Variants in ALOX12 observed in about 807,000 individuals in gnomAD.
The protein encoded by ALOX12 is polyunsaturated fatty acid lipoxygenase ALOX12.
A neutral mutation model predicts 85.5 loss-of-function variants in ALOX12; 62 were observed. The ratio of observed to expected loss-of-function variants is 0.73; its 90% CI spans 0.59 to 0.90. ALOX12 has a LOEUF of 0.90. Among genes scored for constraint, ALOX12 ranks in the 40% least tolerant of loss-of-function variants. The probability of loss-of-function intolerance (pLI) is 0.00; values close to 1 mark genes in which losing one functional copy is unlikely to be tolerated. For missense variants in ALOX12, 751 were observed against 856.5 expected (o/e 0.88, Z 1.54); for synonymous variants, 299 against 332.7 (o/e 0.90, Z 1.10).
intron 8 of ALOX12, among the ~76,000 whole-genome samples, chr17:7,004,151 TAAATTTAAATTTA>T (rs988730902): frequency 2.6e-5 from 3 of 115,756 alleles, no homozygotes; most frequent in Admixed American, 1.2e-4. Context: ...AAAATTTAAA[TAAATTTAAATTTA>T]AAATTTAAAT....
rs956097220 is a variant in ALOX12, at chr17:7,010,633, G to A, written c.*210G>A. On this transcript the variant is annotated 3_prime_UTR_variant, in exon 14 of 14. Transcript: ENST00000251535. ...TTTTTTACGCTTTGCAGACCGCATA[G>A]TCACTGTCTCAACTACTCAGCTCTC... is the stretch of plus-strand genomic sequence containing the variant. 6 of 549,038 alleles carry A rather than the reference G, an allele frequency of 1.1e-5. No individual in the cohort carries two copies. The highest frequency in any genetic ancestry group is 5.7e-5 in the African/African-American group (3 of 52,846). 34.0% of individuals were successfully genotyped at this position (549,038 alleles called of 1,614,324 possible). A position where few individuals can be genotyped will look rare whatever the true frequency, so the allele number is the denominator to read the frequency against.
In ALOX12 at chr17:7,001,615, A is replaced by G. The variant is rs434473; in HGVS notation, c.965A>G (p.Asn322Ser). The change falls in exon 8 of 14, where the codon AAC (asparagine) becomes AGC (serine). Residue 322 changes from asparagine (N) to serine (S), a missense_variant. Physicochemically the swap from Asn to Ser is conservative, Grantham distance 46 (BLOSUM62 1). Coordinates refer to ENST00000251535, the MANE Select transcript of ALOX12 (RefSeq NM_000697.3). ...TCTTTCTCCCAGATTCAGCCTCCCA[A>G]CCCCAGCTCTCCAACCCCAACACTG... ...QPMVIQIQPPNPSSPTPTLFL... is the reference protein window; with the variant it reads ...QPMVIQIQPPSPSSPTPTLFL... 653,156 of 1,612,400 alleles carry G rather than the reference A, an allele frequency of 0.41. 136,170 individuals carry two copies. The highest frequency in any genetic ancestry group is 0.45 in the South Asian group (40,683 of 91,034).
chr17:7,006,057 G>GTT, intron 10 of ALOX12, 30 bp downstream of exon 10: 2 of 202,898 alleles, frequency 9.9e-6, no homozygotes, highest in Non-Finnish European at 2.2e-5. Flanking sequence ...GAAATGGTGG[G>GTT]GCCGGGGGGG....
At chr17:6,998,923 T>C (rs1175041557) in intron 4 of ALOX12, 30 bp from the exon 5 acceptor site, 1 of 1,613,956 alleles carries the variant, frequency 6.2e-7, no homozygotes, top group Non-Finnish European at 8.5e-7. Flanking sequence ...AGGGATCAGC[T>C]GATGAGTTAA....
In ALOX12 at chr17:7,005,846, C is replaced by T; in HGVS notation, c.1249-12C>T. On this transcript the variant is annotated splice_polypyrimidine_tract_variant and intron_variant, in intron 9 of 13. Transcript: ENST00000251535. The stretch of plus-strand genomic sequence containing the variant: ...TGTTTCCCCCTCTAAGACCTGTGAT[C>T]TCCTGTCCCAGGCAGTGAGCACAGG... 6.2e-7 allele frequency: 1 copy of T among 1,609,638 alleles called. No homozygotes were observed. Among genetic ancestry groups the T allele is most frequent in the Non-Finnish European group, 8.5e-7 (1 of 1,179,010 alleles).
At position 7,005,901 on chromosome 17, in the gene ALOX12, G is replaced by A. The variant is rs772988081; in HGVS notation, c.1292G>A (p.Arg431Gln). The A allele has an allele frequency of 9.3e-6, 15 of 1,613,288 alleles. No individual in the cohort carries two copies. Among genetic ancestry groups the A allele is most frequent in the Middle Eastern group, 1.6e-4 (1 of 6,084 alleles). The change falls in exon 10 of 14, where the codon CGG becomes CAG. Residue 431 changes from arginine to glutamine, a missense_variant. Transcript: ENST00000251535. ...GGGGHVQLLR[R>Q]AAAQLTYCSL... is the part of the protein sequence containing the mutation. ...GGGGGCCATGTACAGTTGCTCCGTC[G>A]GGCGGCAGCTCAGCTGACCTACTGC...
chr17:6,996,757 G>T, intron 1 of ALOX12, 69 bp from the exon 2 acceptor site: 1 of 1,518,484 alleles, frequency 6.6e-7, no homozygotes, highest in East Asian at 2.3e-5. Context: ...ACAGGAGCGC[G>T]GCTCTGTCCT....
At chr17:7,001,156 G>A in intron 7 of ALOX12, 1 of 169,478 alleles carries the variant, frequency 5.9e-6, no homozygotes, top group Non-Finnish European at 1.3e-5. Context: ...TCGCCATATT[G>A]CCCAGGCTGG....
intron 2 of ALOX12, among the ~76,000 whole-genome samples, chr17:6,997,733 AT>A (rs11571331): frequency 2.0e-5 from 3 of 150,934 alleles, no homozygotes; most frequent in Admixed American, 6.6e-5. Flanking sequence ...AATTTTTTAT[AT>A]TTTTTTTAGT....
At chr17:7,001,852 A>G (rs768865817) in intron 8 of ALOX12, 41 bp downstream of exon 8, 2 of 1,562,396 alleles carry the variant, frequency 1.3e-6, no homozygotes, top group Non-Finnish European at 8.8e-7. Flanking sequence ...CTCAGACCCC[A>G]GAGAGAGGAA....
Position 7,000,592 on chromosome 17 carries a change from C to T in ALOX12, c.951+113C>T. On this transcript the variant is annotated intron_variant, in intron 7 of 13. Coordinates refer to ENST00000251535, the MANE Select transcript of ALOX12 (RefSeq NM_000697.3). The surrounding 1 kb of genome is among the most constrained non-coding windows in gnomAD (Gnocchi z 4.6). ...CAAACCCCATCCTCACTCAGTGAGACTTGTCTTCATGTCACTATTTGCCTG... is the reference window on the plus strand; with the variant it reads ...CAAACCCCATCCTCACTCAGTGAGATTTGTCTTCATGTCACTATTTGCCTG... 1 of 1,274,102 alleles carries T rather than the reference C, an allele frequency of 7.8e-7. No individual in the cohort carries two copies. The allele number at this position is 1,274,102 out of a possible 1,614,324, so 78.9% of individuals were successfully genotyped here. A position where few individuals can be genotyped will look rare whatever the true frequency, so the allele number is the denominator to read the frequency against.
At position 7,001,615 on chromosome 17, in the gene ALOX12, AC is replaced by A; in HGVS notation, c.969del (p.Ser324AlafsTer39). ...QPMVIQIQPP[N>X]PSSPTPTLFL... Reference sequence around the variant, plus strand: ...TCTTTCTCCCAGATTCAGCCTCCCAACCCCAGCTCTCCAACCCCAACACTGT... The same window carrying A: ...TCTTTCTCCCAGATTCAGCCTCCCAACCCAGCTCTCCAACCCCAACACTGT... On this transcript the variant is annotated frameshift_variant, in exon 8 of 14. Coordinates refer to ENST00000251535, the MANE Select transcript of ALOX12 (RefSeq NM_000697.3). LOFTEE classifies it high-confidence loss of function. The A allele has an allele frequency of 6.2e-7, 1 of 1,613,448 alleles. No individual in the cohort carries two copies. The highest frequency in any genetic ancestry group is 8.5e-7 in the Non-Finnish European group (1 of 1,179,664).
At chr17:7,006,819 C>G (rs528207580) in intron 11 of ALOX12, among the ~76,000 whole-genome samples, 21 of 152,096 alleles carry the variant, frequency 1.4e-4, no homozygotes, top group Non-Finnish European at 2.8e-4. Context: ...CCCTGGCCAT[C>G]AACCCCTAGT....
intron 5 of ALOX12, 120 bp downstream of exon 5, chr17:6,999,176 A>G: frequency 6.8e-7 from 1 of 1,466,140 alleles, no homozygotes; most frequent in Non-Finnish European, 9.4e-7. Flanking sequence ...GTCAACTCAG[A>G]GAGGCCTTGA....
In ALOX12 at chr17:7,000,388, A is replaced by G. The variant is rs1908652924; in HGVS notation, c.860A>G (p.Asn287Ser). 3.1e-6 allele frequency: 5 copies of G among 1,614,074 alleles called. No individual in the cohort carries two copies. The highest frequency in any genetic ancestry group is 4.2e-6 in the Non-Finnish European group (5 of 1,180,032). Residue 287 changes from asparagine (N) to serine (S), a missense_variant, in exon 7 of 14, where the codon AAC becomes AGC. Coordinates refer to ENST00000251535, the MANE Select transcript of ALOX12 (RefSeq NM_000697.3). The surrounding 1 kb of genome is among the most constrained non-coding windows in gnomAD (Gnocchi z 4.6). ...ATCCTTCTGGATGGAATTCCAGCCA[A>G]CGTGATCCGAGGAGAGAAGCAATAC... ...DFILLDGIPA[N>S]VIRGEKQYLA...
At chr17:7,004,051 T>G (rs1247084551) in intron 8 of ALOX12, among the ~76,000 whole-genome samples, 1 of 116,952 alleles carries the variant, frequency 8.6e-6, no homozygotes, top group Non-Finnish European at 1.8e-5. Flanking sequence ...TATTTTAATA[T>G]TTTTAATTTA....
chr17:6,998,743 CT>C lies in ALOX12; in HGVS notation c.449del (p.Leu150ArgfsTer15), dbSNP rs779582323. On this transcript the variant is annotated frameshift_variant, in exon 4 of 14. Transcript: ENST00000251535. LOFTEE classifies it high-confidence loss of function. ...CWATWKEGLP[L>X]TIAADRKDDL... Reference sequence around the variant, plus strand: ...GGCCACCTGGAAGGAAGGGTTACCCCTGACCATCGCTGCAGACCGTAAGGAT... The same window carrying C: ...GGCCACCTGGAAGGAAGGGTTACCCCGACCATCGCTGCAGACCGTAAGGAT... 4.3e-6 allele frequency: 7 copies of C among 1,614,160 alleles called. No homozygotes were observed. In the Admixed American group the frequency reaches 1.2e-4, roughly 27 times the overall value.
chr17:7,005,905 G>C lies in ALOX12; in HGVS notation c.1296G>C (p.Ala432=), dbSNP rs149233598. 6.2e-7 allele frequency: 1 copy of C among 1,613,514 alleles called. No individual in the cohort carries two copies. The highest frequency in any genetic ancestry group is 8.5e-7 in the Non-Finnish European group (1 of 1,179,904). ...GGGHVQLLRR[A]AAQLTYCSLC... ...GCCATGTACAGTTGCTCCGTCGGGC[G>C]GCAGCTCAGCTGACCTACTGCTCCC... The change falls in exon 10 of 14, where the codon GCG becomes GCC. Residue 432 remains alanine (A), a synonymous_variant. Coordinates refer to ENST00000251535, the MANE Select transcript of ALOX12 (RefSeq NM_000697.3).
rs754156466 is a variant in ALOX12, at chr17:7,010,142, C to A, written c.1812+16C>A. ...GCCAGACATGGTGAGAGGGGACTCTCGGGAGAGGGAAATGACAGTTGGAAA... is the reference window on the plus strand; with the variant it reads ...GCCAGACATGGTGAGAGGGGACTCTAGGGAGAGGGAAATGACAGTTGGAAA... On this transcript the variant is annotated intron_variant, in intron 13 of 13. Transcript: ENST00000251535. 14 of 1,604,336 alleles carry A rather than the reference C, an allele frequency of 8.7e-6. No homozygotes were observed. In the South Asian group the frequency reaches 1.6e-4, roughly 18 times the overall value.
Sources: allele counts gnomAD v4.1 joint callset (sites outside exome capture counted in the v4.1 genomes callset), GRCh38; gene constraint gnomAD v4.1.1; non-coding constraint Gnocchi (gnomAD v3.1); transcripts MANE v1.5; gene names NCBI Gene and HGNC (gene_info 2026-07-23, HGNC 2026-07-21).